The following SNX29 variants were observed in gnomAD, a reference collection of about 807,000 sequenced individuals.
SNX29 encodes sorting nexin 29.
Under a neutral mutation model 102.1 loss-of-function variants are expected in SNX29, and 78 were observed. The ratio of observed to expected loss-of-function variants is 0.76; its 90% CI spans 0.64 to 0.92. SNX29 has a LOEUF of 0.92. Ranked by LOEUF, SNX29 falls within the 40% of genes least tolerant of loss-of-function variation. The pLI, the probability that SNX29 is intolerant of heterozygous loss-of-function variation, is 0.00. For missense variants in SNX29, 1,280 were observed against 1,061.7 expected, an observed-to-expected ratio of 1.21 and a Z score of -2.86; for synonymous variants, 580 against 414.5, an observed-to-expected ratio of 1.40 and a Z score of -4.85.
chr16:12,433,386 T>C (rs1018059579), intron 18 of SNX29, among the ~76,000 whole-genome samples: 1 of 152,044 alleles, frequency 6.6e-6, no homozygotes, highest in Non-Finnish European at 1.5e-5. Flanking sequence ...AGCCCAGCAC[T>C]TTGGGAGGCT....
chr16:11,991,941 A>G (rs554618492), intron 1 of SNX29, among the ~76,000 whole-genome samples: 1 of 152,142 alleles, frequency 6.6e-6, no homozygotes, highest in African/African-American at 2.4e-5. Context: ...ATCCTACTGT[A>G]GTTGTTCCTT....
chr16:11,992,694 A>C (rs533592635), intron 1 of SNX29, among the ~76,000 whole-genome samples: 38 of 152,242 alleles, frequency 2.5e-4, no homozygotes, highest in Non-Finnish European at 2.9e-5. Flanking sequence ...CACCTGCTTG[A>C]CTGTGTGCCC....
intron 15 of SNX29, among the ~76,000 whole-genome samples, chr16:12,289,958 A>C (rs2151058185): frequency 6.6e-6 from 1 of 152,272 alleles, no homozygotes; most frequent in Non-Finnish European, 1.5e-5. Flanking sequence ...CCTGCAGGCA[A>C]CATAAAGGGC....
At chr16:12,085,992 C>A (rs941541384) in intron 11 of SNX29, among the ~76,000 whole-genome samples, 2 of 151,418 alleles carry the variant, frequency 1.3e-5, no homozygotes, top group Non-Finnish European at 2.9e-5. Flanking sequence ...ACTCCAAAAC[C>A]TACACTCTTG....
intron 13 of SNX29, among the ~76,000 whole-genome samples, chr16:12,188,867 G>A (rs562891743): frequency 6.6e-6 from 1 of 152,158 alleles, no homozygotes; most frequent in Non-Finnish European, 1.5e-5. Context: ...CCCTTGCCCT[G>A]TCTTATTAGA....
intron 13 of SNX29, among the ~76,000 whole-genome samples, chr16:12,144,507 T>TCATG: frequency 6.6e-6 from 1 of 152,192 alleles, no homozygotes; most frequent in East Asian, 1.9e-4. Flanking sequence ...GAGGTGCGAT[T>TCATG]CATGCTGTTA....
rs768104944 is a variant in SNX29 at position 12,568,669 on chromosome 16, C to T, written c.*40C>T. 4.4e-6 allele frequency: 7 copies of T among 1,590,350 alleles called. No individual in the cohort carries two copies. Among genetic ancestry groups the T allele is most frequent in the African/African-American group, 1.3e-5 (1 of 74,480 alleles). On this transcript the variant is annotated 3_prime_UTR_variant, in exon 21 of 21. Coordinates refer to ENST00000566228, the MANE Select transcript of SNX29 (RefSeq NM_032167.5). ...CAGCCACGGGCCCTGTGCGTGGCAC[C>T]AGCTGCGTCCACCCCAGCCACTGCC...
chr16:12,198,156 G>T (rs930538006), intron 13 of SNX29, among the ~76,000 whole-genome samples: 5 of 152,116 alleles, frequency 3.3e-5, no homozygotes, highest in Admixed American at 3.3e-4. Context: ...GGTAGTGATT[G>T]TCAAAGCATG....
chr16:12,127,207 C>T (rs1171852774), intron 12 of SNX29, among the ~76,000 whole-genome samples: 4 of 149,178 alleles, frequency 2.7e-5, no homozygotes, highest in Non-Finnish European at 4.4e-5. Flanking sequence ...TGCAGTGAGC[C>T]GAGATTACGC....
intron 11 of SNX29, among the ~76,000 whole-genome samples, chr16:12,114,677 C>T (rs575756734): frequency 6.6e-6 from 1 of 152,058 alleles, no homozygotes; most frequent in East Asian, 1.9e-4. Context: ...ACCTCCGCCT[C>T]CTGGGTTCAA....
At chr16:12,322,133 A>T (rs1424848105) in intron 15 of SNX29, among the ~76,000 whole-genome samples, 1 of 152,188 alleles carries the variant, frequency 6.6e-6, no homozygotes, top group Non-Finnish European at 1.5e-5. Flanking sequence ...CCCTACCTGC[A>T]GGTTGAGAAC....
intron 13 of SNX29, among the ~76,000 whole-genome samples, chr16:12,196,622 C>CTTTTTTTT (rs34779383): frequency 1.1e-3 from 146 of 129,556 alleles, no homozygotes; most frequent in Non-Finnish European, 1.8e-3. Flanking sequence ...TTTCTTTTTT[C>CTTTTTTTT]TTTTTTTTTT....
intron 16 of SNX29, among the ~76,000 whole-genome samples, chr16:12,382,683 G>A (rs992448593): frequency 6.6e-6 from 1 of 152,160 alleles, no homozygotes; most frequent in African/African-American, 2.4e-5. Flanking sequence ...GGCCAGAGTC[G>A]GCAATCACGG....
At chr16:12,197,729 G>T (rs948960341) in intron 13 of SNX29, among the ~76,000 whole-genome samples, 1 of 152,226 alleles carries the variant, frequency 6.6e-6, no homozygotes, top group Admixed American at 6.5e-5. Flanking sequence ...ATCCATGACA[G>T]GCTTTGTCTA....
rs938635779 is a variant in SNX29, at chr16:12,570,692, C to G, written c.*2063C>G. ...CTTATGACCTGCACCTTTTCTGACA[C>G]CTGCCCCCAAAGCACAGGATGTGAA... On this transcript the variant is annotated 3_prime_UTR_variant, in exon 21 of 21. Transcript: ENST00000566228. The G allele has an allele frequency of 4.3e-6, 1 of 231,988 alleles. No individual in the cohort carries two copies. The highest frequency in any genetic ancestry group is 8.5e-6 in the Non-Finnish European group (1 of 117,390). 14.4% of individuals were successfully genotyped at this position (231,988 alleles called of 1,614,324 possible). A position where few individuals can be genotyped will look rare whatever the true frequency, so the allele number is the denominator to read the frequency against.
chr16:12,556,509 G>C (rs371127570), intron 20 of SNX29: 3 of 152,330 alleles, frequency 2.0e-5, no homozygotes, highest in African/African-American at 4.8e-5. Context: ...CAGTCCCCGT[G>C]TTGCCAGAGG....
intron 19 of SNX29, among the ~76,000 whole-genome samples, chr16:12,504,930 A>G (rs913285797): frequency 6.6e-6 from 1 of 152,122 alleles, no homozygotes; most frequent in Non-Finnish European, 1.5e-5. Context: ...TATTTTGCCT[A>G]TTCATTCGTC....
intron 20 of SNX29, among the ~76,000 whole-genome samples, chr16:12,562,218 TGGCCAAGTTCAGAAGTGAA>T (rs2078765797): frequency 6.6e-6 from 1 of 151,806 alleles, no homozygotes; most frequent in Non-Finnish European, 1.5e-5. Flanking sequence ...CTGCTGGAGG[TGGCCAAGTTCAGAAGTGAA>T]GGGCGAGGGC....
intron 15 of SNX29, among the ~76,000 whole-genome samples, chr16:12,300,883 G>C (rs2080152481): frequency 1.3e-5 from 2 of 152,020 alleles, no homozygotes; most frequent in Admixed American, 6.6e-5. Context: ...TATCCCAGTT[G>C]TGATCACCAA....
Sources: gnomAD v4.1 joint callset for allele counts (sites outside exome capture counted in the v4.1 genomes callset) on GRCh38, gnomAD v4.1.1 for gene constraint, MANE v1.5 for transcripts, NCBI Gene and HGNC (gene_info 2026-07-23, HGNC 2026-07-21) for gene names.